PLXNC1: variants seen among roughly 807,000 people sequenced by gnomAD.
The protein encoded by PLXNC1 is plexin C1.
PLXNC1 carries 75 observed loss-of-function variants against 178.2 expected under a neutral mutation model. That is an observed-to-expected ratio of 0.42 (90% CI 0.35 to 0.51). The LOEUF is 0.51. PLXNC1 is among the 20% of genes least tolerant of loss of function. PLXNC1 has a pLI of 0.02. For missense variants in PLXNC1, 1,503 were observed against 1,984.4 expected, an observed-to-expected ratio of 0.76 and a Z score of 4.61; for synonymous variants, 790 against 779.9, an observed-to-expected ratio of 1.01 and a Z score of -0.22.
intron 4 of PLXNC1, among the ~76,000 whole-genome samples, chr12:94,208,604 T>C (rs1038162490): frequency 2.0e-5 from 3 of 152,236 alleles, no homozygotes; most frequent in African/African-American, 7.2e-5. Context: ...TTTCAGTTTC[T>C]TTTAAAAATT....
chr12:94,181,886 A>G (rs957187044), intron 3 of PLXNC1, among the ~76,000 whole-genome samples: 6 of 152,110 alleles, frequency 3.9e-5, no homozygotes, highest in Admixed American at 1.3e-4. Context: ...TTACACATTT[A>G]TTGTGTGGGC....
chr12:94,197,743 G>T (rs1192776486), intron 4 of PLXNC1, among the ~76,000 whole-genome samples: 2 of 152,030 alleles, frequency 1.3e-5, no homozygotes, highest in East Asian at 3.9e-4. Flanking sequence ...ACAAGTAATG[G>T]ATTCAACTCT....
At chr12:94,171,094 C>A (rs553912251) in intron 2 of PLXNC1, among the ~76,000 whole-genome samples, 1 of 152,344 alleles carries the variant, frequency 6.6e-6, no homozygotes, top group African/African-American at 2.4e-5. Context: ...GGTGAAGGAA[C>A]ACTCGTCTAT....
intron 12 of PLXNC1, among the ~76,000 whole-genome samples, chr12:94,246,638 G>A (rs1345261553): frequency 6.6e-6 from 1 of 152,192 alleles, no homozygotes; most frequent in Non-Finnish European, 1.5e-5. Context: ...AGGGTTGGGT[G>A]ATCCTCTCAC....
At position 94,301,063 on chromosome 12, in the gene PLXNC1, G is replaced by A; in HGVS notation, c.4386+6G>A. The A allele has an allele frequency of 2.5e-6, 4 of 1,613,226 alleles. No homozygotes were observed. The highest frequency in any genetic ancestry group is 3.4e-6 in the Non-Finnish European group (4 of 1,179,396). ...CAGAGCAGCAACTAGGGAAGGTAAGGCCCAGCTTGAGTATTTCTTGTATGC... is the reference window on the plus strand; with the variant it reads ...CAGAGCAGCAACTAGGGAAGGTAAGACCCAGCTTGAGTATTTCTTGTATGC... On this transcript the variant is annotated splice_donor_region_variant and intron_variant, in intron 28 of 30. Transcript: ENST00000258526.
At chr12:94,276,352 G>A (rs1383232772) in intron 21 of PLXNC1, among the ~76,000 whole-genome samples, 2 of 152,172 alleles carry the variant, frequency 1.3e-5, no homozygotes, top group East Asian at 1.9e-4. Context: ...CACCAGCATT[G>A]ACCCCTTCAC....
At position 94,300,811 on chromosome 12, in the gene PLXNC1, A is replaced by G. The variant is rs1020802142; in HGVS notation, c.4239-99A>G. The G allele has an allele frequency of 1.1e-5, 13 of 1,138,688 alleles. No individual in the cohort carries two copies. The East Asian group carries it at 2.9e-4, about 25-fold the overall frequency. The allele number at this position is 1,138,688 out of a possible 1,614,324, so 70.5% of individuals were successfully genotyped here. A position where few individuals can be genotyped will look rare whatever the true frequency, so the allele number is the denominator to read the frequency against. On this transcript the variant is annotated intron_variant, in intron 27 of 30. Coordinates refer to ENST00000258526, the MANE Select transcript of PLXNC1 (RefSeq NM_005761.3). ...TGGCTAAGCAGAGTTGTATACTTCA[A>G]TAACAAGGACAAAAACACCCGTTTA...
At chr12:94,202,432 G>A (rs747766291) in intron 4 of PLXNC1, among the ~76,000 whole-genome samples, 22 of 152,218 alleles carry the variant, frequency 1.4e-4, no homozygotes, top group Non-Finnish European at 2.6e-4. Flanking sequence ...CCCTTTGGGG[G>A]ATTTACAGTG....
intron 1 of PLXNC1, among the ~76,000 whole-genome samples, chr12:94,159,943 G>A (rs1448957587): frequency 6.6e-6 from 1 of 152,234 alleles, no homozygotes; most frequent in African/African-American, 2.4e-5. Flanking sequence ...CAGCAATGAG[G>A]ATGGAGAGGA....
At chr12:94,187,546 A>T (rs1169275478) in intron 4 of PLXNC1, among the ~76,000 whole-genome samples, 1 of 152,206 alleles carries the variant, frequency 6.6e-6, no homozygotes, top group East Asian at 1.9e-4. Context: ...CGTCAGAGTC[A>T]CTGGCAGACA....
intron 9 of PLXNC1, among the ~76,000 whole-genome samples, chr12:94,236,486 C>A (rs151024867): frequency 1.3e-5 from 2 of 152,216 alleles, no homozygotes; most frequent in Non-Finnish European, 2.9e-5. Flanking sequence ...TTGGACATCA[C>A]GGAGTTCTCC....
intron 21 of PLXNC1, 27 bp from the exon 22 acceptor site, chr12:94,279,445 C>A: frequency 6.3e-7 from 1 of 1,590,738 alleles, no homozygotes; most frequent in Non-Finnish European, 8.6e-7. Flanking sequence ...ATCTAATAGA[C>A]TTGGAAACCT....
At chr12:94,161,063 G>A (rs1421491666) in intron 1 of PLXNC1, among the ~76,000 whole-genome samples, 1 of 152,168 alleles carries the variant, frequency 6.6e-6, no homozygotes, top group Non-Finnish European at 1.5e-5. Context: ...CTAAGTTCCA[G>A]TTAGAGCTCC....
intron 21 of PLXNC1, among the ~76,000 whole-genome samples, chr12:94,278,656 C>T (rs1383488701): frequency 6.6e-6 from 1 of 152,068 alleles, no homozygotes; most frequent in Non-Finnish European, 1.5e-5. Context: ...ATGTTGAAAG[C>T]GGAGGGGTAG....
chr12:94,228,406 TTTC>T (rs1964005699), intron 9 of PLXNC1, among the ~76,000 whole-genome samples: 3 of 151,548 alleles, frequency 2.0e-5, no homozygotes, highest in East Asian at 3.9e-4. Context: ...TTGTTTGTTT[TTTC>T]GTTTTGATAA....
At chr12:94,219,294 A>G (rs1208625504) in intron 5 of PLXNC1, among the ~76,000 whole-genome samples, 2 of 152,248 alleles carry the variant, frequency 1.3e-5, no homozygotes, top group Admixed American at 1.3e-4. Context: ...ATGGAAATTT[A>G]ATATAGGACA....
At chr12:94,302,385 G>A (rs947797482) in intron 28 of PLXNC1, among the ~76,000 whole-genome samples, 1 of 148,312 alleles carries the variant, frequency 6.7e-6, no homozygotes, top group Non-Finnish European at 1.5e-5. Flanking sequence ...TTATTCATTC[G>A]ACAAATATGA....
At chr12:94,245,058 A>C (rs1026595856) in intron 12 of PLXNC1, among the ~76,000 whole-genome samples, 5 of 152,198 alleles carry the variant, frequency 3.3e-5, no homozygotes, top group Non-Finnish European at 5.9e-5. Context: ...GGGCCGCCTG[A>C]TAGGCCGTCC....
intron 10 of PLXNC1, among the ~76,000 whole-genome samples, chr12:94,238,366 A>G (rs903037118): frequency 5.3e-5 from 8 of 152,248 alleles, no homozygotes; most frequent in African/African-American, 7.2e-5. Context: ...TATCTGGTCA[A>G]TGTATCTCTT....
Sources: allele counts gnomAD v4.1 joint callset (sites outside exome capture counted in the v4.1 genomes callset), GRCh38; gene constraint gnomAD v4.1.1; transcripts MANE v1.5; gene names NCBI Gene and HGNC (gene_info 2026-07-23, HGNC 2026-07-21).